The following NEDD9 variants were observed in gnomAD, a reference collection of about 807,000 sequenced individuals.
NEDD9 encodes the protein neural precursor cell expressed, developmentally down-regulated 9, also known as enhancer of filamentation 1.
In NEDD9, 26 loss-of-function variants were observed where a neutral mutation model predicts 76.6. That is an observed-to-expected ratio of 0.34 (90% confidence interval 0.25 to 0.47). The LOEUF (loss-of-function observed/expected upper bound fraction) is 0.47. Among genes scored for constraint, NEDD9 ranks in the 20% least tolerant of loss-of-function variants. NEDD9 has a pLI of 1.00. For missense variants in NEDD9, 937 were observed against 1,058.5 expected (o/e 0.89, Z 1.59); for synonymous variants, 392 against 414.2 (o/e 0.95, Z 0.65).
chr6:11,323,831 T>C (rs1761866385), intron 2 of NEDD9, among the ~76,000 whole-genome samples: 1 of 152,220 alleles, frequency 6.6e-6, no homozygotes, highest in African/African-American at 2.4e-5. Flanking sequence ...ATTAACCACC[T>C]TGCACGTCAC....
chr6:11,233,680 T>G (rs1312290133), upstream of NEDD9, among the ~76,000 whole-genome samples: 1 of 152,198 alleles, frequency 6.6e-6, no homozygotes, highest in Non-Finnish European at 1.5e-5. Context: ...AAAGGTTCCA[T>G]TTTAGGATTT....
rs1759936639 is a variant in NEDD9 at position 11,252,767 on chromosome 6, T to G, written c.13-39040A>C. On this transcript the variant is annotated intron_variant, in intron 3 of 3. Coordinates refer to the NEDD9 transcript ENST00000397378. The surrounding 1 kb of genome is among the most constrained non-coding windows in gnomAD (Gnocchi z 4.3). ...ACAACTCTGTCTCTTAAATATAGGGTTTGTTTGTGAGTAAATTGGTTGTAT... is the reference window on the plus strand; with the variant it reads ...ACAACTCTGTCTCTTAAATATAGGGGTTGTTTGTGAGTAAATTGGTTGTAT... Among the ~76,000 whole-genome samples the G allele has an allele frequency of 6.6e-6, 1 of 151,998 alleles. No homozygotes were observed. Among genetic ancestry groups the G allele is most frequent in the Admixed American group, 6.6e-5 (1 of 15,266 alleles).
chr6:11,246,083 A>G (rs1324643311), intron 3 of NEDD9, among the ~76,000 whole-genome samples: 1 of 152,110 alleles, frequency 6.6e-6, no homozygotes, highest in African/African-American at 2.4e-5. Context: ...ATGGGGATGG[A>G]TGTTTAAATA....
At chr6:11,343,577 A>G (rs1460941922) in intron 1 of NEDD9, among the ~76,000 whole-genome samples, 1 of 152,174 alleles carries the variant, frequency 6.6e-6, no homozygotes, top group East Asian at 1.9e-4. Flanking sequence ...CTAGAATGTA[A>G]CTTCCATTTG....
intron 2 of NEDD9, among the ~76,000 whole-genome samples, chr6:11,313,093 G>T (rs1761424504): frequency 1.3e-5 from 2 of 152,140 alleles, no homozygotes; most frequent in South Asian, 4.1e-4. Context: ...TTAGTGGGTA[G>T]ATAGATGGAT....
rs1176491246 is a variant in NEDD9 at position 11,370,860 on chromosome 6, G to A, written c.-214+11279C>T. Among the ~76,000 whole-genome samples the A allele has an allele frequency of 1.1e-4, 17 of 152,240 alleles. No homozygotes were observed. The highest frequency in any genetic ancestry group is 7.3e-5 in the Non-Finnish European group (5 of 68,046). On this transcript the variant is annotated intron_variant, in intron 1 of 3. Coordinates refer to the NEDD9 transcript ENST00000397378. This position sits in a 1 kb window ranked among gnomAD's most constrained non-coding sequence, Gnocchi z 4.2. ...GTCAGTCTGCACGGCGTCGGGTGGT[G>A]TTGAGGACAGGTGACAACGGGGAGG... is the stretch of plus-strand genomic sequence containing the variant.
At chr6:11,249,277 A>T in intron 3 of NEDD9, 1 of 423,942 alleles carries the variant, frequency 2.4e-6, no homozygotes, top group South Asian at 1.7e-5. Flanking sequence ...TAACAGAAAA[A>T]CCCTAGATGA....
intron 1 of NEDD9, among the ~76,000 whole-genome samples, chr6:11,360,314 CAA>C (rs937250430): frequency 1.3e-5 from 2 of 152,320 alleles, no homozygotes; most frequent in South Asian, 2.1e-4. Context: ...AGAGCATGAG[CAA>C]GAGTCTGCCA....
chr6:11,317,631 G>A (rs983231145), intron 2 of NEDD9, among the ~76,000 whole-genome samples: 2 of 152,126 alleles, frequency 1.3e-5, no homozygotes, highest in African/African-American at 4.8e-5. Context: ...GCCAACTGCC[G>A]CTGGGTTGAC....
chr6:11,290,053 G>A (rs889920015), intron 3 of NEDD9, among the ~76,000 whole-genome samples: 1 of 152,080 alleles, frequency 6.6e-6, no homozygotes, highest in Non-Finnish European at 1.5e-5. Flanking sequence ...CGGGGGCAAA[G>A]ATGCATGCAG....
At chr6:11,212,431 G>A (rs963636780) in intron 2 of NEDD9, among the ~76,000 whole-genome samples, 2 of 152,070 alleles carry the variant, frequency 1.3e-5, no homozygotes, top group Admixed American at 6.5e-5. Flanking sequence ...TCTCCCCCAC[G>A]GCAATGTAAG....
chr6:11,232,895 CA>C (rs748145878), upstream of NEDD9, among the ~76,000 whole-genome samples: 4 of 151,834 alleles, frequency 2.6e-5, no homozygotes, highest in African/African-American at 4.8e-5. Flanking sequence ...CCGCCCCCGC[CA>C]AAAAAGAAGA....
chr6:11,320,499 G>A (rs1761771574), intron 2 of NEDD9, among the ~76,000 whole-genome samples: 1 of 152,180 alleles, frequency 6.6e-6, no homozygotes, highest in African/African-American at 2.4e-5. Flanking sequence ...TATCCAGACT[G>A]CAGGTGCATA....
intron 3 of NEDD9, among the ~76,000 whole-genome samples, chr6:11,261,907 T>A (rs1438389720): frequency 6.6e-6 from 1 of 152,172 alleles, no homozygotes; most frequent in Non-Finnish European, 1.5e-5. Context: ...TAGATTCTCG[T>A]CTTACCCTGA....
intron 3 of NEDD9, among the ~76,000 whole-genome samples, chr6:11,275,759 G>A (rs1052127994): frequency 3.3e-5 from 5 of 152,102 alleles, no homozygotes; most frequent in South Asian, 2.1e-4. Context: ...ATTAATGCTC[G>A]TTCAGTATAA....
At position 11,185,554 on chromosome 6, in the gene NEDD9, G is replaced by A. The variant is rs200235581; in HGVS notation, c.2113C>T (p.Arg705Trp). The A allele has an allele frequency of 2.0e-5, 33 of 1,614,188 alleles. No individual in the cohort carries two copies. The highest frequency in any genetic ancestry group is 2.7e-5 in the Non-Finnish European group (32 of 1,180,030). Reference sequence around the variant, plus strand: ...TCATAGTAGAAGCACAGCAACTGCCGATCCTGAGCACTCACGCCACTGTTT... The same window carrying A: ...TCATAGTAGAAGCACAGCAACTGCCAATCCTGAGCACTCACGCCACTGTTT... ...TTNSGVSAQD[R>W]QLLCFYYDQC... Residue 705 changes from arginine to tryptophan, a missense_variant, in exon 7 of 7, where the codon CGG (arginine) becomes TGG (tryptophan). Coordinates refer to ENST00000379446, the MANE Select transcript of NEDD9 (RefSeq NM_006403.4).
At chr6:11,286,243 C>T (rs896575997) in intron 3 of NEDD9, among the ~76,000 whole-genome samples, 2 of 152,092 alleles carry the variant, frequency 1.3e-5, no homozygotes, top group African/African-American at 4.8e-5. Context: ...TGAAAAGATG[C>T]TCAACATCAT....
intron 1 of NEDD9, among the ~76,000 whole-genome samples, chr6:11,346,485 C>G (rs148258194): frequency 1.3e-5 from 2 of 150,852 alleles, no homozygotes; most frequent in Non-Finnish European, 2.9e-5. Flanking sequence ...AGGCCCCCCC[C>G]CCCGAGGTGA....
At chr6:11,235,742 C>T (rs184457621), upstream of NEDD9, among the ~76,000 whole-genome samples, 13 of 152,180 alleles carry the variant, frequency 8.5e-5, no homozygotes, top group Middle Eastern at 3.4e-3. The surrounding 1 kb of genome is among the most constrained non-coding windows in gnomAD (Gnocchi z 4.1). Flanking sequence ...CAGAAGTGAC[C>T]CAGGGGAAGG....
Sources: gnomAD v4.1 joint callset for allele counts (sites outside exome capture counted in the v4.1 genomes callset) on GRCh38, gnomAD v4.1.1 for gene constraint, Gnocchi (gnomAD v3.1) non-coding constraint, MANE v1.5 for transcripts, NCBI Gene and HGNC (gene_info 2026-07-23, HGNC 2026-07-21) for gene names.